Variants in CCDC178 observed in about 807,000 individuals in gnomAD.
The protein encoded by CCDC178 is coiled-coil domain-containing protein 178.
In CCDC178, 126 loss-of-function variants were observed where a neutral mutation model predicts 117.4. That is an observed-to-expected ratio of 1.07 (90% confidence interval 0.93 to 1.24). The LOEUF (loss-of-function observed/expected upper bound fraction) is 1.24. Among genes scored for constraint, CCDC178 ranks in the 50% most tolerant of loss-of-function variants. The probability of loss-of-function intolerance (pLI) is 0.00; values close to 1 mark genes in which losing one functional copy is unlikely to be tolerated. For synonymous variants in CCDC178, 283 were observed against 313.4 expected, an observed-to-expected ratio of 0.90 and a Z score of 1.02; for missense variants, 1,030 against 986.9, an observed-to-expected ratio of 1.04 and a Z score of -0.59.
chr18:33,142,422 A>G (rs900309077), intron 20 of CCDC178, among the ~76,000 whole-genome samples: 1 of 152,216 alleles, frequency 6.6e-6, no homozygotes, highest in Non-Finnish European at 1.5e-5. Context: ...ATACAGTATC[A>G]TGATAGAATA....
chr18:33,334,601 T>A (rs1188586650), intron 9 of CCDC178, among the ~76,000 whole-genome samples: 1 of 152,042 alleles, frequency 6.6e-6, no homozygotes, highest in Admixed American at 6.5e-5. Flanking sequence ...TTTGCTGATG[T>A]CTTTACCTGG....
At chr18:33,283,442 GC>G (rs1758151307) in intron 12 of CCDC178, among the ~76,000 whole-genome samples, 2 of 152,116 alleles carry the variant, frequency 1.3e-5, no homozygotes, top group Admixed American at 1.3e-4. Context: ...AACAGTTTCT[GC>G]ACAGCAAGAG....
At chr18:33,184,645 T>G (rs182084852) in intron 20 of CCDC178, among the ~76,000 whole-genome samples, 10 of 152,138 alleles carry the variant, frequency 6.6e-5, no homozygotes, top group Admixed American at 5.2e-4. Context: ...AGTCTATTTT[T>G]GGGGGAAAAC....
chr18:33,370,051 C>G lies in CCDC178; in HGVS notation c.347G>C (p.Arg116Thr), dbSNP rs553911057. 4 of 1,578,264 alleles carry G rather than the reference C, an allele frequency of 2.5e-6. No homozygotes were observed. In the African/African-American group the frequency reaches 4.1e-5, roughly 16 times the overall value. ...CAGCATTTTAAATTAGTCTCTTACC[C>G]TTTTCAAATGCTCCTGTATTTTGGA... ...VESKIQEHLK[R>T]FETSFEEWSR... The change falls in exon 6 of 23, where the codon AGG becomes ACG. Residue 116 changes from arginine (R) to threonine (T), a missense_variant and splice_region_variant. Arg to Thr is a moderately conservative substitution (Grantham distance 71). Transcript: ENST00000383096.
intron 18 of CCDC178, among the ~76,000 whole-genome samples, chr18:33,218,305 T>A (rs867569600): frequency 1.7e-4 from 26 of 152,256 alleles, no homozygotes; most frequent in Admixed American, 1.2e-3. Context: ...GTCATTTGAT[T>A]TTTTCTCGTA....
chr18:33,057,280 T>G (rs1309516709), intron 21 of CCDC178, among the ~76,000 whole-genome samples: 1 of 152,196 alleles, frequency 6.6e-6, no homozygotes, highest in East Asian at 1.9e-4. Flanking sequence ...TGGATTTATA[T>G]CTATATAAAA....
intron 9 of CCDC178, among the ~76,000 whole-genome samples, chr18:33,344,310 CAAAAAA>C (rs58987470): frequency 2.5e-5 from 2 of 80,812 alleles, no homozygotes; most frequent in African/African-American, 4.6e-5. Flanking sequence ...GACTCCGTCT[CAAAAAA>C]AAAAAAAAAA....
chr18:33,110,779 T>C (rs2057770040), intron 20 of CCDC178, among the ~76,000 whole-genome samples: 1 of 151,608 alleles, frequency 6.6e-6, no homozygotes, highest in Non-Finnish European at 1.5e-5. Flanking sequence ...CTCTTATCTG[T>C]CTTTGTACCA....
intron 15 of CCDC178, among the ~76,000 whole-genome samples, chr18:33,227,753 A>C (rs1413737541): frequency 6.6e-6 from 1 of 151,912 alleles, no homozygotes; most frequent in Non-Finnish European, 1.5e-5. Flanking sequence ...TCAATATAGC[A>C]AACCAGCAAA....
intron 20 of CCDC178, among the ~76,000 whole-genome samples, chr18:33,147,994 GC>G (rs541421855): frequency 7.4e-6 from 1 of 135,538 alleles, no homozygotes; most frequent in Non-Finnish European, 1.7e-5. Context: ...GGCAGGGGCT[GC>G]CCCCCACCTC....
At chr18:33,137,571 G>C (rs1234578963) in intron 20 of CCDC178, among the ~76,000 whole-genome samples, 1 of 152,056 alleles carries the variant, frequency 6.6e-6, no homozygotes, top group Non-Finnish European at 1.5e-5. Flanking sequence ...TTTGTTTTAT[G>C]TTCTATTTAT....
chr18:33,201,862 A>G (rs2058992906), intron 20 of CCDC178, among the ~76,000 whole-genome samples: 1 of 152,222 alleles, frequency 6.6e-6, no homozygotes, highest in Admixed American at 6.5e-5. Flanking sequence ...GAAACGTTGC[A>G]GAGCCCCCAA....
intron 21 of CCDC178, among the ~76,000 whole-genome samples, chr18:33,038,131 C>T (rs2056479274): frequency 6.6e-6 from 1 of 151,744 alleles, no homozygotes; most frequent in South Asian, 2.1e-4. Flanking sequence ...GATCATATTA[C>T]CAGAGCAAAC....
intron 7 of CCDC178, among the ~76,000 whole-genome samples, chr18:33,349,564 T>G (rs1430622592): frequency 6.6e-6 from 1 of 151,914 alleles, no homozygotes; most frequent in East Asian, 1.9e-4. Flanking sequence ...AAATTCTGTA[T>G]GTTGAATAAT....
chr18:33,014,731 TC>T (rs1407392979), intron 21 of CCDC178, among the ~76,000 whole-genome samples: 1 of 152,102 alleles, frequency 6.6e-6, no homozygotes, highest in Non-Finnish European at 1.5e-5. Context: ...AAATTACTAG[TC>T]TGTTTGGGGA....
chr18:32,981,155 G>A (rs1226523435), intron 21 of CCDC178, among the ~76,000 whole-genome samples: 4 of 152,018 alleles, frequency 2.6e-5, no homozygotes, highest in Non-Finnish European at 5.9e-5. Context: ...ACCATCTTAA[G>A]CAACATAGTT....
intron 20 of CCDC178, among the ~76,000 whole-genome samples, chr18:33,192,504 C>G (rs149338): frequency 6.6e-6 from 1 of 152,020 alleles, no homozygotes; most frequent in African/African-American, 2.4e-5. Context: ...TGATAGGCAT[C>G]GGAGAAAAAG....
chr18:33,196,728 C>T (rs957228901), intron 20 of CCDC178, among the ~76,000 whole-genome samples: 2 of 152,112 alleles, frequency 1.3e-5, no homozygotes, highest in African/African-American at 4.8e-5. Context: ...TTTATTACCT[C>T]ATAACTTCTG....
At chr18:32,966,451 T>C (rs910288534) in intron 22 of CCDC178, among the ~76,000 whole-genome samples, 2 of 151,896 alleles carry the variant, frequency 1.3e-5, no homozygotes, top group Non-Finnish European at 2.9e-5. Flanking sequence ...ATATTTATTA[T>C]ATGACCCTTT....
Sources: gnomAD v4.1 joint callset for allele counts (sites outside exome capture counted in the v4.1 genomes callset) on GRCh38, gnomAD v4.1.1 for gene constraint, MANE v1.5 for transcripts, NCBI Gene and HGNC (gene_info 2026-07-23, HGNC 2026-07-21) for gene names.